PROM1: variants seen among roughly 807,000 people sequenced by gnomAD.
PROM1 encodes the protein prominin-1.
PROM1 carries 105 observed loss-of-function variants against 116.9 expected under a neutral mutation model. The observed-to-expected ratio is 0.90, with a 90% CI of 0.77 to 1.06. The LOEUF (loss-of-function observed/expected upper bound fraction) is 1.06, where lower values mean the gene tolerates loss of function less well. Ranked by LOEUF, PROM1 falls within the 50% of genes least tolerant of loss-of-function variation. The pLI, the probability that PROM1 is intolerant of heterozygous loss-of-function variation, is 0.00. For synonymous variants in PROM1, 393 were observed against 387.0 expected (o/e 1.02, Z -0.18); for missense variants, 1,122 against 1,045.2 (o/e 1.07, Z -1.01).
intron 5 of PROM1, among the ~76,000 whole-genome samples, chr4:16,026,376 A>G (rs1366664986): frequency 6.6e-6 from 1 of 152,222 alleles, no homozygotes; most frequent in Non-Finnish European, 1.5e-5. Flanking sequence ...GTAAGGAACT[A>G]CATAAACATA....
intron 13 of PROM1, among the ~76,000 whole-genome samples, chr4:16,002,715 G>C (rs1358278507): frequency 6.6e-6 from 1 of 152,170 alleles, no homozygotes; most frequent in Non-Finnish European, 1.5e-5. Context: ...ATGTGTGTCT[G>C]TGTGTTGGAG....
chr4:16,009,180 C>T (rs7678063), intron 11 of PROM1, 72 bp from the exon 12 acceptor site: 2 of 1,369,118 alleles, frequency 1.5e-6, no homozygotes, highest in Non-Finnish European at 2.0e-6. Context: ...TGGAACCAAA[C>T]AGAAAAGCCT....
rs747800874 is a variant in PROM1, at chr4:16,008,973, G to GT, written c.1276dup (p.Thr426AsnfsTer6). ...CCAGTATGAATCATACTCTTCCAATGTAGGTAAATTTCTGTGGATGTAACT... is the reference window on the plus strand; with the variant it reads ...CCAGTATGAATCATACTCTTCCAATGTTAGGTAAATTTCTGTGGATGTAACT... On this transcript the variant is annotated frameshift_variant, in exon 12 of 28. Coordinates refer to ENST00000447510, the MANE Select transcript of PROM1 (RefSeq NM_006017.3). LOFTEE classifies it high-confidence loss of function. 8.8e-6 allele frequency: 14 copies of GT among 1,592,422 alleles called. No homozygotes were observed. In the African/African-American group the frequency reaches 1.9e-4, roughly 21 times the overall value.
intron 24 of PROM1, 33 bp downstream of exon 24, chr4:15,980,389 G>A (rs1460730469): frequency 7.3e-7 from 1 of 1,370,412 alleles, no homozygotes; most frequent in Non-Finnish European, 1.0e-6. Context: ...CCTAGAAAAT[G>A]ACCCCCACGT....
intron 2 of PROM1, among the ~76,000 whole-genome samples, chr4:16,063,001 G>A (rs1168886402): frequency 2.0e-5 from 3 of 152,154 alleles, no homozygotes; most frequent in Admixed American, 6.5e-5. Context: ...AATAAATCTA[G>A]ACAGTGATCA....
intron 2 of PROM1, among the ~76,000 whole-genome samples, chr4:16,046,964 T>C (rs1398002049): frequency 6.6e-6 from 1 of 152,354 alleles, no homozygotes; most frequent in East Asian, 1.9e-4. Context: ...GTGTCTGTCA[T>C]GGTTCCCTAG....
At chr4:16,070,712 A>G (rs1218364466) in intron 2 of PROM1, among the ~76,000 whole-genome samples, 2 of 152,194 alleles carry the variant, frequency 1.3e-5, no homozygotes. Flanking sequence ...GCAAAGACCA[A>G]TCAGTAAACT....
chr4:16,068,175 C>A (rs16892927), intron 2 of PROM1, among the ~76,000 whole-genome samples: 23,147 of 151,986 alleles, frequency 0.15, 2,219 homozygotes, highest in East Asian at 0.25. Flanking sequence ...AACCCGGAGT[C>A]CTGATGAGAA....
At chr4:16,078,693 G>A (rs952952823) in intron 1 of PROM1, among the ~76,000 whole-genome samples, 7 of 152,180 alleles carry the variant, frequency 4.6e-5, no homozygotes. Context: ...AAAGGGAAGG[G>A]GGATGATGAA....
chr4:16,054,393 A>T (rs1006220981), intron 2 of PROM1, among the ~76,000 whole-genome samples: 1 of 152,184 alleles, frequency 6.6e-6, no homozygotes, highest in Non-Finnish European at 1.5e-5. Context: ...GACCAAACAC[A>T]TATCTTGATT....
chr4:16,058,224 G>T (rs941532142), intron 2 of PROM1, among the ~76,000 whole-genome samples: 2 of 152,148 alleles, frequency 1.3e-5, no homozygotes, highest in Non-Finnish European at 2.9e-5. Context: ...TCAGGACAAA[G>T]CCCAGTGGAC....
At chr4:16,028,309 G>T (rs565531730) in intron 5 of PROM1, among the ~76,000 whole-genome samples, 76 of 152,294 alleles carry the variant, frequency 5.0e-4, no homozygotes, top group African/African-American at 1.7e-3. Flanking sequence ...AAATTGGGTA[G>T]CAGGGGGTCA....
At chr4:16,005,372 G>C (rs769374829) in intron 13 of PROM1, among the ~76,000 whole-genome samples, 9 of 152,092 alleles carry the variant, frequency 5.9e-5, no homozygotes, top group South Asian at 2.1e-4. Flanking sequence ...GTGATTTTAC[G>C]ACTCTAGTTT....
intron 2 of PROM1, among the ~76,000 whole-genome samples, chr4:16,058,147 G>T (rs1739471037): frequency 6.6e-6 from 1 of 152,206 alleles, no homozygotes; most frequent in Admixed American, 6.5e-5. Flanking sequence ...TCACTGTGCA[G>T]TTCCAGAAAA....
At chr4:16,018,003 C>T (rs1294701055) in intron 9 of PROM1, among the ~76,000 whole-genome samples, 1 of 79,754 alleles carries the variant, frequency 1.3e-5, no homozygotes, top group Non-Finnish European at 2.6e-5. Flanking sequence ...ATAGACTAGG[C>T]ACATATTTAA....
chr4:15,984,215 C>A, intron 23 of PROM1, 48 bp downstream of exon 23: 1 of 1,416,296 alleles, frequency 7.1e-7, no homozygotes, highest in Non-Finnish European at 9.8e-7. Context: ...GAAAAACAAC[C>A]AAAGATGATG....
chr4:16,038,885 T>A (rs1734539618), intron 3 of PROM1, 61 bp downstream of exon 3: 2 of 1,418,212 alleles, frequency 1.4e-6, no homozygotes, highest in Admixed American at 6.1e-5. Flanking sequence ...TACTTTCAAG[T>A]CAGCCAAAAT....
At chr4:16,052,189 A>T (rs1304651194) in intron 2 of PROM1, among the ~76,000 whole-genome samples, 17 of 152,276 alleles carry the variant, frequency 1.1e-4, no homozygotes, top group Non-Finnish European at 1.5e-5. Context: ...TGAGAATGCC[A>T]GGCTAAATCA....
At chr4:15,979,007 G>T (rs1226562697) in intron 26 of PROM1, among the ~76,000 whole-genome samples, 1 of 131,886 alleles carries the variant, frequency 7.6e-6, no homozygotes, top group East Asian at 2.2e-4. Flanking sequence ...AGGAAGGAAG[G>T]AAAGAAGGAA....
Sources: gnomAD v4.1 joint callset for allele counts (sites outside exome capture counted in the v4.1 genomes callset) on GRCh38, gnomAD v4.1.1 for gene constraint, MANE v1.5 for transcripts, NCBI Gene and HGNC (gene_info 2026-07-23, HGNC 2026-07-21) for gene names.